The following STK36 variants were observed in gnomAD, a reference collection of about 807,000 sequenced individuals.
STK36 encodes serine/threonine kinase 36.
In STK36, 116 loss-of-function variants were observed where a neutral mutation model predicts 142.2. That is an observed-to-expected ratio of 0.82 (90% CI 0.70 to 0.95). STK36 has a LOEUF of 0.95. STK36 is among the 40% of genes least tolerant of loss of function. STK36 has a pLI of 0.00. For missense variants in STK36, 1,422 were observed against 1,617.2 expected, an observed-to-expected ratio of 0.88 and a Z score of 2.07; for synonymous variants, 619 against 641.7, an observed-to-expected ratio of 0.96 and a Z score of 0.53.
chr2:218,676,972 T>G (rs977412341), intron 6 of STK36, among the ~76,000 whole-genome samples: 2 of 151,098 alleles, frequency 1.3e-5, no homozygotes, highest in African/African-American at 4.9e-5. Flanking sequence ...TTGCTTTTGT[T>G]GTCCAGGCTG....
At chr2:218,676,299 G>C (rs1559329409) in intron 6 of STK36, 21 bp downstream of exon 6, 1 of 1,612,342 alleles carries the variant, frequency 6.2e-7, no homozygotes, top group African/African-American at 1.3e-5. Flanking sequence ...TTGAAAGGGA[G>C]ATGACTTTTA....
At position 218,694,152 on chromosome 2, in the gene STK36, C is replaced by G; in HGVS notation, c.2337-112C>G. ...ACCTAGACTCCCATCAACTTTGTGC[C>G]TTGGAGGTAGACATGCAGCCTAGGT... On this transcript the variant is annotated intron_variant, in intron 19 of 26. Coordinates refer to ENST00000295709, the MANE Select transcript of STK36 (RefSeq NM_015690.5). The surrounding 1 kb of genome is among the most constrained non-coding windows in gnomAD (Gnocchi z 4.4). 1 of 1,207,346 alleles carries G rather than the reference C, an allele frequency of 8.3e-7. No homozygotes were observed. The highest frequency in any genetic ancestry group is 1.2e-6 in the Non-Finnish European group (1 of 816,704). The allele number at this position is 1,207,346 out of a possible 1,614,324, so 74.8% of individuals were successfully genotyped here. A position where few individuals can be genotyped will look rare whatever the true frequency, so the allele number is the denominator to read the frequency against.
chr2:218,673,057 G>T (rs1375945666), intron 2 of STK36, 144 bp downstream of exon 2: 3 of 678,220 alleles, frequency 4.4e-6, no homozygotes, highest in Admixed American at 3.2e-5. Flanking sequence ...TATAAGCTTT[G>T]AAGTTGGATT....
chr2:218,678,288 C>G (rs1178091014), intron 6 of STK36, among the ~76,000 whole-genome samples: 3 of 152,078 alleles, frequency 2.0e-5, no homozygotes, highest in Non-Finnish European at 4.4e-5. Context: ...TATGGATTTT[C>G]AATAGAATTT....
chr2:218,700,609 C>G (rs968981321), intron 26 of STK36, among the ~76,000 whole-genome samples: 22 of 149,900 alleles, frequency 1.5e-4, no homozygotes, highest in Non-Finnish European at 2.4e-4. Context: ...CCATGTTGGC[C>G]AGGCTGGTCT....
intron 11 of STK36, among the ~76,000 whole-genome samples, chr2:218,686,225 C>T (rs1405753383): frequency 6.6e-6 from 1 of 151,750 alleles, no homozygotes; most frequent in Non-Finnish European, 1.5e-5. Flanking sequence ...AGGCGTGAAC[C>T]ACCGTGCCCA....
chr2:218,673,168 A>G, intron 2 of STK36: 1 of 459,016 alleles, frequency 2.2e-6, no homozygotes, highest in South Asian at 2.8e-5. Context: ...TAGAATGGGG[A>G]TAAGAACAGC....
intron 21 of STK36, among the ~76,000 whole-genome samples, chr2:218,696,237 A>G (rs1289552249): frequency 1.3e-5 from 2 of 152,306 alleles, no homozygotes; most frequent in East Asian, 3.9e-4. Flanking sequence ...CCAATGTAAT[A>G]ATACTCATCT....
intron 3 of STK36, 33 bp downstream of exon 3, chr2:218,673,798 C>T (rs755650138): frequency 1.1e-5 from 17 of 1,613,428 alleles, no homozygotes; most frequent in Non-Finnish European, 1.4e-5. Flanking sequence ...CCTGTCTCCC[C>T]AAGCACAAGG....
chr2:218,699,353 AC>A lies in STK36; in HGVS notation c.3804+8del. On this transcript the variant is annotated splice_donor_region_variant and intron_variant, in intron 26 of 26. Coordinates refer to ENST00000295709, the MANE Select transcript of STK36 (RefSeq NM_015690.5). Reference sequence around the variant, plus strand: ...CAGGAGCCTGGCATCCATCAGGTATACCCTACAGCACTTATGAACCATGATG... The same window carrying A: ...CAGGAGCCTGGCATCCATCAGGTATACCTACAGCACTTATGAACCATGATG... 2 of 1,610,570 alleles carry A rather than the reference AC, an allele frequency of 1.2e-6. No individual in the cohort carries two copies. Among genetic ancestry groups the A allele is most frequent in the Non-Finnish European group, 1.7e-6 (2 of 1,178,622 alleles).
At position 218,697,135 on chromosome 2, in the gene STK36, G is replaced by A. The variant is rs759928688; in HGVS notation, c.2683G>A (p.Ala895Thr). 1 of 1,614,152 alleles carries A rather than the reference G, an allele frequency of 6.2e-7. No homozygotes were observed. The highest frequency in any genetic ancestry group is 2.2e-5 in the East Asian group (1 of 44,884). Residue 895 changes from alanine (A) to threonine (T), a missense_variant, in exon 23 of 27, where the codon GCA becomes ACA. By Grantham distance (58) the Ala-to-Thr change is moderately conservative. Transcript: ENST00000295709. Reference sequence around the variant, plus strand: ...CATGGTCCTGAGGCTCCCCGAGGAGGCATCTGCACAGGAAGGGGAGCTTTC... The same window carrying A: ...CATGGTCCTGAGGCTCCCCGAGGAGACATCTGCACAGGAAGGGGAGCTTTC... ...FSMVLRLPEE[A>T]SAQEGELSLS...
intron 10 of STK36, among the ~76,000 whole-genome samples, chr2:218,682,310 T>C (rs1306364421): frequency 6.6e-6 from 1 of 152,172 alleles, no homozygotes; most frequent in African/African-American, 2.4e-5. Flanking sequence ...TCTCTCCCCC[T>C]ATGGACATAG....
chr2:218,686,419 A>G (rs1940781287), intron 11 of STK36, among the ~76,000 whole-genome samples: 1 of 151,782 alleles, frequency 6.6e-6, no homozygotes, highest in African/African-American at 2.4e-5. Context: ...CACCATGCTT[A>G]GCTAATTTTT....
At chr2:218,683,635 G>C (rs1048729932) in intron 10 of STK36, among the ~76,000 whole-genome samples, 3 of 152,076 alleles carry the variant, frequency 2.0e-5, no homozygotes, top group African/African-American at 7.2e-5. Context: ...TGCACAATGT[G>C]CAGGTTAGTT....
chr2:218,673,395 C>A, intron 2 of STK36: 1 of 546,868 alleles, frequency 1.8e-6, no homozygotes, highest in Non-Finnish European at 3.1e-6. Context: ...ACACTTCTTC[C>A]AGAAGGGGAA....
Position 218,702,051 on chromosome 2 carries a change from C to A in STK36, c.*42C>A. On this transcript the variant is annotated 3_prime_UTR_variant, in exon 27 of 27. Coordinates refer to ENST00000295709, the MANE Select transcript of STK36 (RefSeq NM_015690.5). ...TCCAGCCTCCAACTTTGGTTGCCAG[C>A]TCTTTCTTATTCTACTACACAAGCC... 1 of 1,608,358 alleles carries A rather than the reference C, an allele frequency of 6.2e-7. No individual in the cohort carries two copies. The highest frequency in any genetic ancestry group is 8.5e-7 in the Non-Finnish European group (1 of 1,177,018).
intron 6 of STK36, 126 bp downstream of exon 6, chr2:218,676,404 G>A (rs1330753032): frequency 1.0e-5 from 13 of 1,274,380 alleles, no homozygotes; most frequent in Non-Finnish European, 1.4e-5. Flanking sequence ...TAATGGCTGT[G>A]TTATTCTGTT....
chr2:218,693,058 G>C (rs1479583135), intron 16 of STK36, among the ~76,000 whole-genome samples, 182 bp from the exon 17 acceptor site: 1 of 152,180 alleles, frequency 6.6e-6, no homozygotes, highest in East Asian at 1.9e-4. Flanking sequence ...GGCCAAACTA[G>C]GCCATGACTT....
At position 218,694,679 on chromosome 2, in the gene STK36, A is replaced by G. The variant is rs781482147; in HGVS notation, c.2511+44A>G. Reference sequence around the variant, plus strand: ...GGCACAGACATGTTTTCTCTGAGTCAGACACTAGGACTGCATTCAAGGGGA... The same window carrying G: ...GGCACAGACATGTTTTCTCTGAGTCGGACACTAGGACTGCATTCAAGGGGA... On this transcript the variant is annotated intron_variant, in intron 21 of 26. Transcript: ENST00000295709. The surrounding 1 kb of genome is among the most constrained non-coding windows in gnomAD (Gnocchi z 4.4). 6.5e-7 allele frequency: 1 copy of G among 1,530,524 alleles called. No homozygotes were observed. Among genetic ancestry groups the G allele is most frequent in the Non-Finnish European group, 9.1e-7 (1 of 1,104,506 alleles). 94.8% of individuals were successfully genotyped at this position (1,530,524 alleles called of 1,614,324 possible).
Sources: gnomAD v4.1 joint callset for allele counts (sites outside exome capture counted in the v4.1 genomes callset) on GRCh38, gnomAD v4.1.1 for gene constraint, Gnocchi (gnomAD v3.1) non-coding constraint, MANE v1.5 for transcripts, NCBI Gene and HGNC (gene_info 2026-07-23, HGNC 2026-07-21) for gene names.